The following MAP3K11 variants were observed in gnomAD, a reference collection of about 807,000 sequenced individuals.
MAP3K11 encodes the protein mitogen-activated protein kinase kinase kinase 11.
Under a neutral mutation model 84.9 loss-of-function variants are expected in MAP3K11, and 46 were observed. The ratio of observed to expected loss-of-function variants is 0.54; its 90% CI spans 0.43 to 0.69. The LOEUF (loss-of-function observed/expected upper bound fraction) is 0.69, where lower values mean the gene tolerates loss of function less well. Ranked by LOEUF, MAP3K11 falls within the 30% of genes least tolerant of loss-of-function variation. The probability of loss-of-function intolerance (pLI) is 0.00; values close to 1 mark genes in which losing one functional copy is unlikely to be tolerated. For missense variants in MAP3K11, 1,053 were observed against 1,198.3 expected (o/e 0.88, Z 1.79); for synonymous variants, 527 against 514.7 (o/e 1.02, Z -0.32).
chr11:65,608,743 G>T (rs998796040), intron 1 of MAP3K11: 3 of 316,012 alleles, frequency 9.5e-6, no homozygotes, highest in Non-Finnish European at 1.8e-5. Context: ...CCAGCCTCCC[G>T]AGTAGTGGGA....
intron 8 of MAP3K11, among the ~76,000 whole-genome samples, chr11:65,604,124 T>A (rs538262640): frequency 6.6e-6 from 1 of 152,398 alleles, no homozygotes; most frequent in East Asian, 1.9e-4. Context: ...CTTAGAAGTT[T>A]GTCACTGATC....
Position 65,613,625 on chromosome 11 carries a change from C to A in MAP3K11, c.132G>T (p.Pro44=). 6.2e-7 allele frequency: 1 copy of A among 1,613,032 alleles called. No homozygotes were observed. The highest frequency in any genetic ancestry group is 8.5e-7 in the Non-Finnish European group (1 of 1,180,002). ...CGTAGTCGAACAGGGCTGTCCACAC[C>A]GGGTTGGCATAACCCGCTGCCTTTG... ...GSPKAAGYAN[P]VWTALFDYEP... is the part of the protein sequence containing the mutation. The change falls in exon 1 of 10, where the codon CCG becomes CCT. Residue 44 remains proline (P), a synonymous_variant. Transcript: ENST00000309100.
chr11:65,607,155 T>A, intron 5 of MAP3K11, 115 bp downstream of exon 5: 1 of 1,320,616 alleles, frequency 7.6e-7, no homozygotes, highest in Non-Finnish European at 9.8e-7. Flanking sequence ...AGCCTTCATC[T>A]CACGGGCCCA....
intron 1 of MAP3K11, 64 bp from the exon 2 acceptor site, chr11:65,608,512 G>C: frequency 6.6e-7 from 1 of 1,508,134 alleles, no homozygotes; most frequent in Middle Eastern, 1.7e-4. Context: ...GGTAAGAGCT[G>C]GGAGCAAACT....
Position 65,607,469 on chromosome 11 carries a change from C to T in MAP3K11, c.1290G>A (p.Glu430=). ...GCAGCTGCTCCGCCTGTGACCGCTG[C>T]TCGCGCGCCGCTCGCGTCAGCTCCT... ...REEELTRAAR[E]QRSQAEQLRR... is the part of the protein sequence containing the mutation. Residue 430 remains glutamate, a synonymous_variant, in exon 5 of 10, where the codon GAG becomes GAA. Transcript: ENST00000309100. 1 of 1,561,534 alleles carries T rather than the reference C, an allele frequency of 6.4e-7. No homozygotes were observed. Among genetic ancestry groups the T allele is most frequent in the Non-Finnish European group, 8.6e-7 (1 of 1,162,746 alleles).
rs377697446 is a variant in MAP3K11, at chr11:65,605,904, A to G, written c.1739+42T>C. 1.9e-4 allele frequency: 306 copies of G among 1,611,406 alleles called. 1 individual carries two copies. Among genetic ancestry groups the G allele is most frequent in the Non-Finnish European group, 2.5e-4 (293 of 1,179,358 alleles). ...GCTTTAGGAATTTCAGGACTTGGGGAAAGCAAATGATGCTGGGTCTGGGGG... is the reference window on the plus strand; with the variant it reads ...GCTTTAGGAATTTCAGGACTTGGGGGAAGCAAATGATGCTGGGTCTGGGGG... On this transcript the variant is annotated intron_variant, in intron 7 of 9. Coordinates refer to ENST00000309100, the MANE Select transcript of MAP3K11 (RefSeq NM_002419.4).
chr11:65,613,933 C>T lies in MAP3K11; in HGVS notation c.-177G>A. The T allele has an allele frequency of 1.2e-6, 1 of 802,538 alleles. No homozygotes were observed. Among genetic ancestry groups the T allele is most frequent in the Non-Finnish European group, 1.9e-6 (1 of 531,012 alleles). 49.7% of individuals were successfully genotyped at this position (802,538 alleles called of 1,614,324 possible). ...TGTTGTCTCCCGGCCCCCCGCATCT[C>T]GGGCTTCTGGAGGAGGGCACCCAGG... On this transcript the variant is annotated 5_prime_UTR_variant, in exon 1 of 10. Transcript: ENST00000309100.
chr11:65,612,659 C>G (rs1590859042), intron 1 of MAP3K11: 1 of 199,918 alleles, frequency 5.0e-6, no homozygotes, highest in East Asian at 1.2e-4. Context: ...ACTCCACGAA[C>G]ATGAATTTAG....
Position 65,613,235 on chromosome 11 carries a change from G to T in MAP3K11, c.522C>A (p.Pro174=), listed in dbSNP as rs746033134. The T allele has an allele frequency of 1.2e-5, 19 of 1,602,384 alleles. No homozygotes were observed. In the Admixed American group the frequency reaches 2.7e-4, roughly 23 times the overall value. The part of the protein sequence containing the change: ...EARLFAMLAH[P]NIIALKAVCL... ...ACACAGCCTTGAGGGCAATGATGTTGGGGTGTGCCAGCATGGCGAAGAGCC... is the reference window on the plus strand; with the variant it reads ...ACACAGCCTTGAGGGCAATGATGTTTGGGTGTGCCAGCATGGCGAAGAGCC... The change falls in exon 1 of 10, where the codon CCC becomes CCA. Residue 174 remains proline, a synonymous_variant. Coordinates refer to ENST00000309100, the MANE Select transcript of MAP3K11 (RefSeq NM_002419.4).
chr11:65,601,681 A>G (rs1228670359), intron 8 of MAP3K11, among the ~76,000 whole-genome samples: 2 of 151,888 alleles, frequency 1.3e-5, no homozygotes, highest in Non-Finnish European at 2.9e-5. Flanking sequence ...GCATGAACCC[A>G]GGAGGCGGAG....
intron 9 of MAP3K11, 49 bp from the exon 10 acceptor site, chr11:65,598,677 AG>A: frequency 7.3e-7 from 1 of 1,369,200 alleles, no homozygotes; most frequent in Non-Finnish European, 9.8e-7. Context: ...CCAACTGCTG[AG>A]GTCCCCAAGA....
intron 1 of MAP3K11, chr11:65,608,891 C>T (rs573336311): frequency 3.1e-4 from 52 of 165,430 alleles, no homozygotes; most frequent in Admixed American, 2.9e-3. Context: ...GCTGGGATTA[C>T]AGGCCACTGC....
chr11:65,613,465 T>C lies in MAP3K11; in HGVS notation c.292A>G (p.Asn98Asp). 6.2e-7 allele frequency: 1 copy of C among 1,611,858 alleles called. No homozygotes were observed. The highest frequency in any genetic ancestry group is 1.3e-5 in the African/African-American group (1 of 74,876). ...VGGQVGIFPS[N>D]YVSRGGGPPP... ...GGGCCGCCACCCCGAGACACATAGT[T>C]GGACGGGAAGATGCCCACCTGGCCA... is the stretch of plus-strand genomic sequence containing the variant. The change falls in exon 1 of 10, where the codon AAC becomes GAC. Residue 98 changes from asparagine to aspartate, a missense_variant. Around this residue, in one of 3 missense-constraint regions of MAP3K11, gnomAD observed 160 missense variants for 167.3 expected, o/e 0.96. Coordinates refer to ENST00000309100, the MANE Select transcript of MAP3K11 (RefSeq NM_002419.4).
chr11:65,598,525 C>A lies in MAP3K11; in HGVS notation c.2310G>T (p.Ser770=). The A allele has an allele frequency of 6.2e-7, 1 of 1,612,412 alleles. No individual in the cohort carries two copies. Among genetic ancestry groups the A allele is most frequent in the Non-Finnish European group, 8.5e-7 (1 of 1,179,276 alleles). Reference sequence around the variant, plus strand: ...AGGGATCAATGCGGCTGCGAAGGGGCGAGGGCCGAGGTCGGCTGATGAGGC... The same window carrying A: ...AGGGATCAATGCGGCTGCGAAGGGGAGAGGGCCGAGGTCGGCTGATGAGGC... The part of the protein sequence containing the change: ...PLGLISRPRP[S]PLRSRIDPWS... The change falls in exon 10 of 10, where the codon TCG becomes TCT. Residue 770 remains serine, a synonymous_variant. Transcript: ENST00000309100.
chr11:65,609,041 GAGA>G (rs1854544185), intron 1 of MAP3K11: 1 of 153,436 alleles, frequency 6.5e-6, no homozygotes, highest in African/African-American at 2.4e-5. Context: ...AAATACAGCA[GAGA>G]TTACAACCTG....
In MAP3K11 at chr11:65,612,911, G is replaced by T. The variant is rs1465437974; in HGVS notation, c.739+107C>A. The T allele has an allele frequency of 4.5e-6, 6 of 1,339,958 alleles. No individual in the cohort carries two copies. In the Admixed American group the frequency reaches 1.8e-4, roughly 39 times the overall value. The allele number at this position is 1,339,958 out of a possible 1,614,324, so 83.0% of individuals were successfully genotyped here. ...CCCCTGGTCAGCTGGGACCCCCTAG[G>T]GTGGGAGCTCCTACCTGCAGTAGAC... On this transcript the variant is annotated intron_variant, in intron 1 of 9. Transcript: ENST00000309100.
Position 65,607,632 on chromosome 11 carries a change from T to C in MAP3K11, c.1245+9A>G. 6.3e-7 allele frequency: 1 copy of C among 1,598,628 alleles called. No individual in the cohort carries two copies. On this transcript the variant is annotated intron_variant, in intron 4 of 9. Transcript: ENST00000309100. ...TCGTTCCAACGCTGGGTCCCTTGAT[T>C]CCTCGCACCTTTTCCTTGGCTCGCA...
Position 65,613,779 on chromosome 11 carries a change from G to A in MAP3K11, c.-23C>T. ...CATGGCCGGGAGCCGGCGCTGGGAT[G>A]TGTGGAGGACCTTCTCTGGGTGCCC... On this transcript the variant is annotated 5_prime_UTR_variant, in exon 1 of 10. Transcript: ENST00000309100. The A allele has an allele frequency of 6.6e-7, 1 of 1,523,460 alleles. No homozygotes were observed. The highest frequency in any genetic ancestry group is 8.8e-7 in the Non-Finnish European group (1 of 1,139,388). The allele number at this position is 1,523,460 out of a possible 1,614,324, so 94.4% of individuals were successfully genotyped here.
intron 5 of MAP3K11, 151 bp downstream of exon 5, chr11:65,607,119 A>C: frequency 2.3e-5 from 26 of 1,141,982 alleles, no homozygotes; most frequent in Non-Finnish European, 3.0e-5. Context: ...AGACAGAAAA[A>C]AAACACTCCT....
Sources: gnomAD v4.1 joint callset for allele counts (sites outside exome capture counted in the v4.1 genomes callset) on GRCh38, gnomAD v4.1.1 for gene constraint, gnomAD v4.1.1 regional missense constraint, MANE v1.5 for transcripts, NCBI Gene and HGNC (gene_info 2026-07-23, HGNC 2026-07-21) for gene names.